Variants in RSPH10B observed in about 807,000 individuals in gnomAD.
RSPH10B encodes the protein radial spoke head 10 homolog B (Chlamydomonas).
A neutral mutation model predicts 52.5 loss-of-function variants in RSPH10B; 7 were observed. The ratio of observed to expected loss-of-function variants is 0.13; its 90% confidence interval spans 0.08 to 0.25. The LOEUF (loss-of-function observed/expected upper bound fraction) is 0.25. Among genes scored for constraint, RSPH10B ranks in the 10% least tolerant of loss-of-function variants. The pLI is 1.00. For synonymous variants in RSPH10B, 28 were observed against 193.2 expected, an observed-to-expected ratio of 0.14 and a Z score of 7.09; for missense variants, 89 against 542.5, an observed-to-expected ratio of 0.16 and a Z score of 8.30.
chr7:5,927,022 C>CGCGTGTGTGTGTGTGTGT (rs1554284429), intron 18 of RSPH10B, among the ~76,000 whole-genome samples: 35 of 95,916 alleles, frequency 3.6e-4, no homozygotes, highest in African/African-American at 1.6e-3. Flanking sequence ...CCCAAAGTTA[C>CGCGTGTGTGTGTGTGTGT]GTGTGTGTGT....
chr7:5,928,921 C>A (rs1329383122), intron 17 of RSPH10B, among the ~76,000 whole-genome samples: 1 of 148,712 alleles, frequency 6.7e-6, no homozygotes, highest in African/African-American at 2.5e-5. Flanking sequence ...CCACTGTGCC[C>A]AGCCACCTCT....
chr7:5,942,744 C>T (rs1467685017), intron 13 of RSPH10B, among the ~76,000 whole-genome samples: 16 of 150,740 alleles, frequency 1.1e-4, no homozygotes, highest in African/African-American at 3.2e-4. Context: ...CACCTGTAAT[C>T]CCAGCTACTC....
At chr7:5,933,007 T>TG in intron 16 of RSPH10B, 132 bp from the exon 19 acceptor site, 1 of 59,904 alleles carries the variant, frequency 1.7e-5, no homozygotes, top group South Asian at 1.1e-4. Flanking sequence ...AATTTGACTT[T>TG]AATTTGACTT....
intron 13 of RSPH10B, among the ~76,000 whole-genome samples, chr7:5,940,945 T>TAATAATA (rs1562565236): frequency 3.3e-5 from 2 of 60,018 alleles, no homozygotes; most frequent in African/African-American, 1.2e-4. Context: ...TAATAATAAT[T>TAATAATA]ATTATTATTA....
In RSPH10B at chr7:5,939,585, A is replaced by AACACACAC. The variant is rs762383240; in HGVS notation, c.1759-764_1759-757dup. ...GGTAACAAAGCAAGAACCTGTCTCA[A>AACACACAC]ACACACACACACACACACACACACA... On this transcript the variant is annotated intron_variant, in intron 13 of 18. Transcript: ENST00000337579. Among the ~76,000 whole-genome samples the AACACACAC allele has an allele frequency of 3.6e-3, 132 of 36,194 alleles. 1 individual carries two copies. The highest frequency in any genetic ancestry group is 0.012 in the African/African-American group (71 of 6,166). 23.7% of individuals were successfully genotyped at this position (36,194 alleles called of 152,430 possible).
intron 7 of RSPH10B, among the ~76,000 whole-genome samples, chr7:5,953,825 C>A (rs1300445708): frequency 6.7e-6 from 1 of 148,844 alleles, no homozygotes; most frequent in Non-Finnish European, 1.5e-5. Context: ...ACCAGCAGAA[C>A]GCCCATCACA....
chr7:5,931,464 A>G (rs1374075954), intron 17 of RSPH10B, among the ~76,000 whole-genome samples: 2 of 151,474 alleles, frequency 1.3e-5, no homozygotes, highest in African/African-American at 4.9e-5. Flanking sequence ...GGTGGCTCAC[A>G]CCTGTAATCC....
At chr7:5,942,928 T>TTATATATATATATATATA (rs1244452966) in intron 13 of RSPH10B, among the ~76,000 whole-genome samples, 8 of 85,072 alleles carry the variant, frequency 9.4e-5, no homozygotes, top group African/African-American at 2.9e-4. Context: ...ATATATATAT[T>TTATATATATATATATATA]TTTTTTTAAG....
intron 18 of RSPH10B, among the ~76,000 whole-genome samples, chr7:5,927,058 G>T (rs1286445223): frequency 2.4e-5 from 2 of 82,998 alleles, no homozygotes; most frequent in Admixed American, 1.1e-4. Flanking sequence ...TTATGTGTGT[G>T]TGTGTGTGTA....
intron 10 of RSPH10B, among the ~76,000 whole-genome samples, chr7:5,947,520 C>G (rs1780476216): frequency 1.7e-5 from 1 of 59,416 alleles, no homozygotes; most frequent in Non-Finnish European, 3.3e-5. Context: ...TCGAGACACG[C>G]CTAACCAACA....
intron 13 of RSPH10B, among the ~76,000 whole-genome samples, chr7:5,941,843 C>T (rs1351448509): frequency 6.8e-6 from 1 of 146,102 alleles, no homozygotes; most frequent in African/African-American, 2.5e-5. Flanking sequence ...TTTAAAAATT[C>T]CTTTTTCGAT....
intron 13 of RSPH10B, among the ~76,000 whole-genome samples, chr7:5,940,945 T>TAATAATAATA (rs1562565236): frequency 3.3e-5 from 2 of 60,016 alleles, no homozygotes; most frequent in African/African-American, 5.8e-5. Flanking sequence ...TAATAATAAT[T>TAATAATAATA]ATTATTATTA....
At chr7:5,937,338 T>C (rs1204752760) in intron 15 of RSPH10B, among the ~76,000 whole-genome samples, 1 of 140,870 alleles carries the variant, frequency 7.1e-6, no homozygotes, top group Non-Finnish European at 1.6e-5. Context: ...AAAGCCAAGA[T>C]AGTTTTGATG....
chr7:5,927,084 G>T (rs1459843654), intron 18 of RSPH10B, among the ~76,000 whole-genome samples: 121 of 106,506 alleles, frequency 1.1e-3, no homozygotes, highest in African/African-American at 4.3e-3. Flanking sequence ...GTGTGTGTGT[G>T]TGTGTGTGTG....
In RSPH10B at chr7:5,950,260, G is replaced by T. The variant is rs201547180; in HGVS notation, c.1224+1035C>A. Among the ~76,000 whole-genome samples, 353 of 151,550 alleles carry T rather than the reference G, an allele frequency of 2.3e-3. No homozygotes were observed. In the East Asian group the frequency reaches 0.057, roughly 24 times the overall value. On this transcript the variant is annotated intron_variant, in intron 9 of 18. Transcript: ENST00000337579. Reference sequence around the variant, plus strand: ...ACACATGCAACTCACACCACACATAGGGCTGAAAGTCTGAAAGAAGCAATA... The same window carrying T: ...ACACATGCAACTCACACCACACATATGGCTGAAAGTCTGAAAGAAGCAATA...
chr7:5,942,926 ATT>A (rs10616078), intron 13 of RSPH10B, among the ~76,000 whole-genome samples: 54,574 of 138,576 alleles, frequency 0.39, 6,462 homozygotes, highest in East Asian at 0.55. Context: ...ATATATATAT[ATT>A]TTTTTTTAAG....
chr7:5,957,748 A>G (rs1780774992), intron 6 of RSPH10B, among the ~76,000 whole-genome samples, 159 bp downstream of exon 8: 1 of 133,694 alleles, frequency 7.5e-6, no homozygotes, highest in African/African-American at 2.9e-5. Flanking sequence ...GTGAGCCAAG[A>G]TTGCGCCAGT....
chr7:5,931,090 C>T (rs1274766517), intron 17 of RSPH10B, among the ~76,000 whole-genome samples: 1 of 125,198 alleles, frequency 8.0e-6, no homozygotes, highest in Non-Finnish European at 1.8e-5. Flanking sequence ...TGTGCCACCA[C>T]ACCTGGCTAA....
chr7:5,941,463 G>A (rs1780181478), intron 13 of RSPH10B, among the ~76,000 whole-genome samples: 2 of 147,410 alleles, frequency 1.4e-5, no homozygotes, highest in Admixed American at 1.4e-4. Context: ...CCATGGAACA[G>A]GCCAGGCACA....
Sources: allele counts gnomAD v4.1 joint callset (sites outside exome capture counted in the v4.1 genomes callset), GRCh38; gene constraint gnomAD v4.1.1; transcripts MANE v1.5; gene names NCBI Gene and HGNC (gene_info 2026-07-23, HGNC 2026-07-21).